Variants in HDAC4 observed in about 807,000 individuals in gnomAD.
HDAC4 encodes histone deacetylase 4, also known as histone deacetylase A.
HDAC4 carries 16 observed loss-of-function variants against 135.1 expected under a neutral mutation model. That is an observed-to-expected ratio of 0.12 (90% CI 0.08 to 0.18). The LOEUF is 0.18. HDAC4 is among the 10% of genes least tolerant of loss of function. The pLI is 1.00. For synonymous variants in HDAC4, 685 were observed against 653.4 expected, an observed-to-expected ratio of 1.05 and a Z score of -0.74; for missense variants, 1,143 against 1,511.8, an observed-to-expected ratio of 0.76 and a Z score of 4.05.
intron 3 of HDAC4, among the ~76,000 whole-genome samples, chr2:239,217,209 C>T (rs1181217083): frequency 1.3e-5 from 2 of 152,164 alleles, no homozygotes; most frequent in African/African-American, 4.8e-5. Flanking sequence ...TCTCCAGGAG[C>T]CGGCAGCATC....
chr2:239,194,966 C>G (rs3791575), intron 3 of HDAC4, among the ~76,000 whole-genome samples: 1 of 152,064 alleles, frequency 6.6e-6, no homozygotes, highest in South Asian at 2.1e-4. Flanking sequence ...CGTCTCCCTA[C>G]GGACATGGAA....
At chr2:239,187,327 C>T (rs1361649023) in intron 4 of HDAC4, among the ~76,000 whole-genome samples, 1 of 152,176 alleles carries the variant, frequency 6.6e-6, no homozygotes. Flanking sequence ...ATGCAGAATA[C>T]GAAGGAGCTA....
chr2:239,081,738 C>T (rs62189541), intron 21 of HDAC4, among the ~76,000 whole-genome samples: 11,629 of 152,290 alleles, frequency 0.076, 582 homozygotes, highest in Non-Finnish European at 0.11. Flanking sequence ...AGCCCCGCGC[C>T]GGGCAAAGGA....
chr2:239,365,407 G>A, intron 1 of HDAC4, among the ~76,000 whole-genome samples: 1 of 152,234 alleles, frequency 6.6e-6, no homozygotes, highest in East Asian at 1.9e-4. Context: ...GGCTTATGCT[G>A]AACAAGGCCA....
At chr2:239,353,266 C>T (rs1355613528) in intron 1 of HDAC4, among the ~76,000 whole-genome samples, 2 of 152,210 alleles carry the variant, frequency 1.3e-5, no homozygotes, top group Non-Finnish European at 2.9e-5. Flanking sequence ...CCACCCACCT[C>T]AGCCTCCCAA....
At chr2:239,269,954 G>A (rs1012494685) in intron 2 of HDAC4, among the ~76,000 whole-genome samples, 3 of 151,558 alleles carry the variant, frequency 2.0e-5, no homozygotes, top group Non-Finnish European at 2.9e-5. Flanking sequence ...TCATAGACAA[G>A]AGCAGCGAGT....
At chr2:239,071,641 C>T (rs148957124) in intron 22 of HDAC4, among the ~76,000 whole-genome samples, 297 of 152,178 alleles carry the variant, frequency 2.0e-3, no homozygotes, top group Non-Finnish European at 3.6e-3. Flanking sequence ...TCTCGGTAGC[C>T]GGTGCTGTGG....
intron 2 of HDAC4, among the ~76,000 whole-genome samples, chr2:239,321,528 T>C (rs867174229): frequency 2.7e-5 from 4 of 149,916 alleles, no homozygotes; most frequent in Non-Finnish European, 4.4e-5. Flanking sequence ...GAGCCAATCT[T>C]AAATAAGGTG....
chr2:239,149,713 C>G (rs529177124), intron 7 of HDAC4, among the ~76,000 whole-genome samples: 1 of 152,294 alleles, frequency 6.6e-6, no homozygotes, highest in South Asian at 2.1e-4. Flanking sequence ...CTCACGTGCT[C>G]CTGGGGAGGG....
intron 2 of HDAC4, among the ~76,000 whole-genome samples, chr2:239,243,702 G>A (rs2048320037): frequency 6.6e-6 from 1 of 152,196 alleles, no homozygotes; most frequent in Non-Finnish European, 1.5e-5. Context: ...TTTTAGAACA[G>A]CTGTGAGTTT....
intron 7 of HDAC4, among the ~76,000 whole-genome samples, chr2:239,145,343 C>A (rs1273600623): frequency 2.6e-5 from 4 of 152,098 alleles, no homozygotes; most frequent in African/African-American, 9.7e-5. Context: ...GCCGGCTTCA[C>A]CTTTCATCTG....
In HDAC4 at chr2:239,141,104, A is replaced by C. The variant is rs969243031; in HGVS notation, c.866-1308T>G. ...AGAAGAGGAGATGGAGGCATGGAGC[A>C]GCAACATCACTCGTCCCAGGCCACG... is the stretch of plus-strand genomic sequence containing the variant. On this transcript the variant is annotated intron_variant, in intron 8 of 26. Coordinates refer to ENST00000543185, the MANE Select transcript of HDAC4 (RefSeq NM_001378414.1). This position sits in a 1 kb window ranked among gnomAD's most constrained non-coding sequence, Gnocchi z 4.9. 3.6e-6 allele frequency: 1 copy of C among 276,944 alleles called. No individual in the cohort carries two copies. The highest frequency in any genetic ancestry group is 1.4e-4 in the East Asian group (1 of 7,032). 17.2% of individuals were successfully genotyped at this position (276,944 alleles called of 1,614,324 possible).
intron 3 of HDAC4, among the ~76,000 whole-genome samples, chr2:239,229,151 C>T (rs2047404218): frequency 6.6e-6 from 1 of 151,954 alleles, no homozygotes; most frequent in Non-Finnish European, 1.5e-5. Context: ...CTCTATGTCT[C>T]AAAAAATAAA....
intron 2 of HDAC4, among the ~76,000 whole-genome samples, chr2:239,330,339 G>T (rs934127740): frequency 6.6e-6 from 1 of 152,268 alleles, no homozygotes; most frequent in Non-Finnish European, 1.5e-5. Flanking sequence ...GACCCCGCGA[G>T]GGAGTGGCAG....
intron 20 of HDAC4, among the ~76,000 whole-genome samples, chr2:239,082,928 T>C (rs1426310516): frequency 6.6e-6 from 1 of 152,212 alleles, no homozygotes; most frequent in Non-Finnish European, 1.5e-5. Flanking sequence ...TGAGAACAGC[T>C]GTGTGCCTGA....
intron 2 of HDAC4, among the ~76,000 whole-genome samples, chr2:239,276,295 G>C (rs920974011): frequency 2.0e-5 from 3 of 152,354 alleles, no homozygotes; most frequent in African/African-American, 4.8e-5. Flanking sequence ...GTTGAGGGGA[G>C]AAGGCGTCAA....
rs778438043 is a variant in HDAC4, at chr2:239,144,575, C to T, written c.865+8G>A. The T allele has an allele frequency of 1.8e-5, 29 of 1,613,248 alleles. No individual in the cohort carries two copies. The highest frequency in any genetic ancestry group is 1.1e-4 in the East Asian group (5 of 44,900). On this transcript the variant is annotated splice_region_variant and intron_variant, in intron 8 of 26. Coordinates refer to ENST00000543185, the MANE Select transcript of HDAC4 (RefSeq NM_001378414.1). ...AGCGGGGCGGGTGTACCTGCTCAGC[C>T]GACATACCTGTGACATCCAACGGAC...
intron 3 of HDAC4, among the ~76,000 whole-genome samples, chr2:239,211,073 C>T (rs1241467564): frequency 3.3e-5 from 5 of 152,112 alleles, no homozygotes; most frequent in East Asian, 3.9e-4. Context: ...CAATCTTAAA[C>T]GTTACAATAC....
chr2:239,235,999 C>A lies in HDAC4; in HGVS notation c.94+594G>T, dbSNP rs147230670. Among the ~76,000 whole-genome samples, 981 of 152,324 alleles carry A rather than the reference C, an allele frequency of 6.4e-3. 19 individuals carry two copies. The East Asian group carries it at 0.073, about 11-fold the overall frequency. On this transcript the variant is annotated intron_variant, in intron 3 of 26. Coordinates refer to ENST00000543185, the MANE Select transcript of HDAC4 (RefSeq NM_001378414.1). ...AGGTTGCAGTGAGCCAAGATTACGC[C>A]ACTCCACTCCAGCCTGGGCGACAGA... is the stretch of plus-strand genomic sequence containing the variant.
Sources: allele counts gnomAD v4.1 joint callset (sites outside exome capture counted in the v4.1 genomes callset), GRCh38; gene constraint gnomAD v4.1.1; non-coding constraint Gnocchi (gnomAD v3.1); transcripts MANE v1.5; gene names NCBI Gene and HGNC (gene_info 2026-07-23, HGNC 2026-07-21).